The following BTRC variants were observed in gnomAD, a reference collection of about 807,000 sequenced individuals.
The protein encoded by BTRC is beta-transducin repeat containing E3 ubiquitin protein ligase.
BTRC carries 42 observed loss-of-function variants against 85.5 expected under a neutral mutation model. The observed-to-expected ratio is 0.49, with a 90% CI of 0.38 to 0.64. The LOEUF is 0.64. Ranked by LOEUF, BTRC falls within the 30% of genes least tolerant of loss-of-function variation. The probability of loss-of-function intolerance (pLI) is 0.00; values close to 1 mark genes in which losing one functional copy is unlikely to be tolerated. For missense variants in BTRC, 594 were observed against 743.5 expected (o/e 0.80, Z 2.34); for synonymous variants, 255 against 263.3 (o/e 0.97, Z 0.30).
At chr10:101,472,582 GGTT>G (rs1945561623) in intron 3 of BTRC, among the ~76,000 whole-genome samples, 1 of 152,096 alleles carries the variant, frequency 6.6e-6, no homozygotes, top group Non-Finnish European at 1.5e-5. Context: ...GGGAGGCCAA[GGTT>G]GGGTGGATCA....
chr10:101,481,382 A>C (rs1336558199), intron 4 of BTRC, among the ~76,000 whole-genome samples: 2 of 151,878 alleles, frequency 1.3e-5, no homozygotes, highest in Non-Finnish European at 2.9e-5. Flanking sequence ...CAAGTGGGTG[A>C]CTTCTGGCTA....
In BTRC at chr10:101,374,526, G is replaced by T. The variant is rs12411848; in HGVS notation, c.48+20298G>T. ...AAATCATCATTCTCAGTAAACTATC[G>T]CAAGAACAAAAAACCAAACACCGCA... On this transcript the variant is annotated intron_variant, in intron 1 of 14. Coordinates refer to ENST00000370187, the MANE Select transcript of BTRC (RefSeq NM_033637.4). Among the ~76,000 whole-genome samples the T allele has an allele frequency of 8.0e-3, 1,171 of 146,600 alleles. 53 individuals are homozygous for T. Among genetic ancestry groups the T allele is most frequent in the Admixed American group, 0.074 (1,073 of 14,482 alleles).
intron 4 of BTRC, among the ~76,000 whole-genome samples, chr10:101,491,002 T>C (rs949680594): frequency 2.0e-5 from 3 of 151,146 alleles, no homozygotes; most frequent in African/African-American, 7.3e-5. Flanking sequence ...GAGGTTGCAG[T>C]AGGCCAAGAT....
chr10:101,541,093 C>G (rs1177866815), intron 13 of BTRC, among the ~76,000 whole-genome samples: 1 of 137,868 alleles, frequency 7.3e-6, no homozygotes, highest in Non-Finnish European at 1.7e-5. Context: ...TTCTCTCTCC[C>G]TCTTTTTTTT....
At chr10:101,385,615 C>CTTTTTTTTTTTTTTTTTTTTT (rs146804594) in intron 1 of BTRC, among the ~76,000 whole-genome samples, 2 of 48,906 alleles carry the variant, frequency 4.1e-5, no homozygotes, top group African/African-American at 1.1e-4. Flanking sequence ...CTTTCTTCTT[C>CTTTTTTTTTTTTTTTTTTTTT]TTCTTTTTTT....
At chr10:101,527,535 T>C (rs746461841) in intron 6 of BTRC, among the ~76,000 whole-genome samples, 1 of 152,166 alleles carries the variant, frequency 6.6e-6, no homozygotes, top group Non-Finnish European at 1.5e-5. Context: ...AGAGGATCGT[T>C]TGAGCCCAGG....
At chr10:101,360,243 C>T (rs1253324301) in intron 1 of BTRC, among the ~76,000 whole-genome samples, 7 of 151,834 alleles carry the variant, frequency 4.6e-5, no homozygotes, top group African/African-American at 7.3e-5. Context: ...TTAGTAGAGA[C>T]AGGGTTTCAC....
chr10:101,392,801 G>C (rs2133984867), intron 1 of BTRC, among the ~76,000 whole-genome samples: 1 of 152,286 alleles, frequency 6.6e-6, no homozygotes, highest in African/African-American at 2.4e-5. Context: ...TGGAATTATA[G>C]GTGTAAGCTT....
At chr10:101,512,460 T>C (rs2061969329) in intron 4 of BTRC, among the ~76,000 whole-genome samples, 2 of 152,232 alleles carry the variant, frequency 1.3e-5, no homozygotes, top group African/African-American at 4.8e-5. Flanking sequence ...CTCTACTTAC[T>C]ATACCCTTCC....
At chr10:101,417,920 T>G (rs907472681) in intron 1 of BTRC, among the ~76,000 whole-genome samples, 1 of 152,194 alleles carries the variant, frequency 6.6e-6, no homozygotes, top group Non-Finnish European at 1.5e-5. Flanking sequence ...TCAGGCAATC[T>G]GCTGGGTTAC....
Position 101,367,006 on chromosome 10 carries a change from T to TAA in BTRC, c.48+12778_48+12779insAA, listed in dbSNP as rs1942465855. 1.7e-4 allele frequency among the ~76,000 whole-genome samples: 7 copies of TAA among 40,128 alleles called. No homozygotes were observed. The South Asian group carries it at 2.5e-3, about 14-fold the overall frequency. The allele number at this position is 40,128 out of a possible 152,430, so 26.3% of individuals were successfully genotyped here. ...TATTTATATATATTAATATATATAT[T>TAA]TATATATATATTTATATTTATATAT... On this transcript the variant is annotated intron_variant, in intron 1 of 14. Transcript: ENST00000370187.
chr10:101,508,768 G>A (rs954772263), intron 4 of BTRC, among the ~76,000 whole-genome samples: 2 of 152,006 alleles, frequency 1.3e-5, no homozygotes, highest in Non-Finnish European at 2.9e-5. Context: ...CAAAAAAATA[G>A]CCAGGTGTGG....
At chr10:101,534,488 A>G (rs1209892637) in intron 9 of BTRC, among the ~76,000 whole-genome samples, 173 bp from the exon 10 acceptor site, 3 of 152,092 alleles carry the variant, frequency 2.0e-5, no homozygotes, top group Non-Finnish European at 4.4e-5. Context: ...ACTTGCCCAT[A>G]TTTCAAGCAG....
At position 101,354,435 on chromosome 10, in the gene BTRC, TC is replaced by T; in HGVS notation, c.48+208del. 6.9e-6 allele frequency: 4 copies of T among 578,398 alleles called. No homozygotes were observed. In the East Asian group the frequency reaches 1.4e-4, roughly 20 times the overall value. 35.8% of individuals were successfully genotyped at this position (578,398 alleles called of 1,614,324 possible). A position where few individuals can be genotyped will look rare whatever the true frequency, so the allele number is the denominator to read the frequency against. ...AGGGGTGGGGGCAGCGGCTCCGCCA[TC>T]TTGTGGATGAGAGGCCAAGTGACAG... On this transcript the variant is annotated intron_variant, in intron 1 of 14. Coordinates refer to ENST00000370187, the MANE Select transcript of BTRC (RefSeq NM_033637.4).
intron 1 of BTRC, among the ~76,000 whole-genome samples, chr10:101,374,702 C>T (rs989658105): frequency 3.5e-4 from 53 of 149,476 alleles, no homozygotes; most frequent in African/African-American, 1.2e-3. Flanking sequence ...TTAGTGGGTG[C>T]AGTGCACCAG....
Position 101,538,350 on chromosome 10 carries a change from A to G in BTRC, c.1635A>G (p.Thr545=), listed in dbSNP as rs932694899. Reference sequence around the variant, plus strand: ...TGGACCCCCGTGCTCCTGCAGGGACACTCTGTCTACGGACCCTTGTGGTAA... The same window carrying G: ...TGGACCCCCGTGCTCCTGCAGGGACGCTCTGTCTACGGACCCTTGTGGTAA... The part of the protein sequence containing the change: ...AALDPRAPAG[T]LCLRTLVEHS... The change falls in exon 13 of 15, where the codon ACA becomes ACG. Residue 545 remains threonine, a synonymous_variant. Transcript: ENST00000370187. 48 of 1,613,722 alleles carry G rather than the reference A, an allele frequency of 3.0e-5. No homozygotes were observed. Among genetic ancestry groups the G allele is most frequent in the Admixed American group, 5.0e-5 (3 of 59,990 alleles).
intron 1 of BTRC, among the ~76,000 whole-genome samples, chr10:101,373,262 G>GAGCA (rs1942691234): frequency 6.6e-6 from 1 of 152,196 alleles, no homozygotes; most frequent in Non-Finnish European, 1.5e-5. Context: ...AAAGATGAAA[G>GAGCA]AGCACTTAGT....
Position 101,470,141 on chromosome 10 carries a change from A to T in BTRC, c.234+8083A>T, listed in dbSNP as rs1368643165. ...ATCTTTTAAGTTTTTAGCCATTTTT[A>T]AAAATTGCATTGTTTGCCTTTTTAT... On this transcript the variant is annotated intron_variant, in intron 3 of 14. Coordinates refer to ENST00000370187, the MANE Select transcript of BTRC (RefSeq NM_033637.4). Among the ~76,000 whole-genome samples, 5 of 152,140 alleles carry T rather than the reference A, an allele frequency of 3.3e-5. No individual in the cohort carries two copies. In the South Asian group the frequency reaches 6.2e-4, roughly 19 times the overall value.
rs759880829 is a variant in BTRC, at chr10:101,532,309, T to C, written c.855T>C (p.Asn285=). ...IIQDIETIES[N]WRCGRHSLQR... The stretch of plus-strand genomic sequence containing the variant: ...CTTCTTCTCAGACAATAGAATCTAA[T>C]TGGAGATGTGGAAGACATAGTTTAC... The change falls in exon 8 of 15, where the codon AAT becomes AAC. Residue 285 remains asparagine, a synonymous_variant. Transcript: ENST00000370187. 7.4e-6 allele frequency: 12 copies of C among 1,612,008 alleles called. No homozygotes were observed. In the East Asian group the frequency reaches 8.9e-5, roughly 12 times the overall value.
Sources: gnomAD v4.1 joint callset for allele counts (sites outside exome capture counted in the v4.1 genomes callset) on GRCh38, gnomAD v4.1.1 for gene constraint, MANE v1.5 for transcripts, NCBI Gene and HGNC (gene_info 2026-07-23, HGNC 2026-07-21) for gene names.